The following CLIP1 variants were observed in gnomAD, a reference collection of about 807,000 sequenced individuals.
CLIP1 encodes the protein CAP-Gly domain containing linker protein 1, also known as CAP-Gly domain-containing linker protein 1.
In CLIP1, 66 loss-of-function variants were observed where a neutral mutation model predicts 161.6. The ratio of observed to expected loss-of-function variants is 0.41; its 90% CI spans 0.33 to 0.50. CLIP1 has a LOEUF of 0.50. Among genes scored for constraint, CLIP1 ranks in the 20% least tolerant of loss-of-function variants. The probability of loss-of-function intolerance (pLI) is 0.27; values close to 1 mark genes in which losing one functional copy is unlikely to be tolerated. For synonymous variants in CLIP1, 598 were observed against 626.2 expected, an observed-to-expected ratio of 0.96 and a Z score of 0.67; for missense variants, 1,376 against 1,702.0, an observed-to-expected ratio of 0.81 and a Z score of 3.37.
chr12:122,414,883 T>A (rs572004287), intron 1 of CLIP1, among the ~76,000 whole-genome samples: 9 of 152,114 alleles, frequency 5.9e-5, no homozygotes, highest in Non-Finnish European at 1.3e-4. Flanking sequence ...AAACACATTA[T>A]GTATATTAAA....
At chr12:122,401,509 T>C (rs375090667) in intron 1 of CLIP1, among the ~76,000 whole-genome samples, 3 of 150,502 alleles carry the variant, frequency 2.0e-5, no homozygotes, top group Non-Finnish European at 3.0e-5. Flanking sequence ...CTACTAAAAA[T>C]ACAAAATCAG....
chr12:122,385,890 G>C (rs1373680202), intron 1 of CLIP1, among the ~76,000 whole-genome samples: 2 of 152,206 alleles, frequency 1.3e-5, no homozygotes, highest in East Asian at 3.8e-4. Context: ...AACAAGGAGG[G>C]AAAGAGAATG....
At chr12:122,280,093 T>G (rs75390342) in intron 21 of CLIP1, 2 of 152,210 alleles carry the variant, frequency 1.3e-5, no homozygotes, top group Non-Finnish European at 2.9e-5. Context: ...TTTTTTTTTT[T>G]GACAGAGTCT....
chr12:122,378,042 A>G lies in CLIP1; in HGVS notation c.86-82T>C. On this transcript the variant is annotated intron_variant, in intron 2 of 25. Transcript: ENST00000620786. ...CTTAAAGAAAAACTAGAGAAAGCCA[A>G]CAGCCCACAGGAGTAGCCCAGAACT... 2.4e-6 allele frequency: 3 copies of G among 1,229,676 alleles called. No homozygotes were observed. The South Asian group carries it at 4.4e-5, about 18-fold the overall frequency. The allele number at this position is 1,229,676 out of a possible 1,614,324, so 76.2% of individuals were successfully genotyped here.
At chr12:122,414,314 G>C (rs1956649331) in intron 1 of CLIP1, among the ~76,000 whole-genome samples, 1 of 150,958 alleles carries the variant, frequency 6.6e-6, no homozygotes, top group South Asian at 2.1e-4. Context: ...TATTCAGCTA[G>C]TTTTTTTAAG....
intron 8 of CLIP1, among the ~76,000 whole-genome samples, chr12:122,351,397 G>A (rs1273683969): frequency 6.6e-6 from 1 of 152,178 alleles, no homozygotes; most frequent in East Asian, 1.9e-4. Context: ...TTAAATGGAT[G>A]AGAACAACAC....
At chr12:122,292,997 T>C (rs1267794312) in intron 20 of CLIP1, among the ~76,000 whole-genome samples, 26 of 94,746 alleles carry the variant, frequency 2.7e-4, no homozygotes, top group African/African-American at 1.4e-3. Flanking sequence ...AGCAAGACTC[T>C]GTCTCAAAAA....
chr12:122,367,282 T>C (rs1284166267), intron 3 of CLIP1, among the ~76,000 whole-genome samples: 2 of 152,054 alleles, frequency 1.3e-5, no homozygotes, highest in Non-Finnish European at 2.9e-5. Context: ...GAAAAAAAAA[T>C]TATGTCACAA....
chr12:122,384,919 C>A (rs1593214862), intron 1 of CLIP1, among the ~76,000 whole-genome samples: 1 of 147,092 alleles, frequency 6.8e-6, no homozygotes. Flanking sequence ...GGAAGGGAAA[C>A]AAGTGAGTTG....
intron 12 of CLIP1, among the ~76,000 whole-genome samples, chr12:122,335,841 A>G (rs969725354): frequency 5.3e-5 from 8 of 151,916 alleles, no homozygotes; most frequent in Non-Finnish European, 8.8e-5. Context: ...GTTAATTCAC[A>G]CTGTTAATAG....
intron 21 of CLIP1, among the ~76,000 whole-genome samples, chr12:122,287,977 T>C (rs1474052247): frequency 1.3e-5 from 2 of 152,170 alleles, no homozygotes; most frequent in Admixed American, 6.5e-5. Context: ...CAACTGAACA[T>C]GGCTTATGAA....
At chr12:122,354,263 C>G (rs188208296) in intron 7 of CLIP1, among the ~76,000 whole-genome samples, 190 bp downstream of exon 7, 1 of 152,012 alleles carries the variant, frequency 6.6e-6, no homozygotes, top group Non-Finnish European at 1.5e-5. Context: ...GGCGTGGTGG[C>G]ACATTCCTGT....
intron 15 of CLIP1, among the ~76,000 whole-genome samples, chr12:122,332,716 C>T (rs886471685): frequency 7.2e-5 from 11 of 152,126 alleles, no homozygotes; most frequent in Non-Finnish European, 1.6e-4. Flanking sequence ...CCACCGCACC[C>T]GGCCTTATTA....
intron 1 of CLIP1, among the ~76,000 whole-genome samples, chr12:122,404,851 G>C (rs1441355330): frequency 6.8e-6 from 1 of 148,052 alleles, no homozygotes; most frequent in Non-Finnish European, 1.5e-5. Context: ...AGTGAGCCAA[G>C]ATCGCGCCAC....
chr12:122,292,136 C>G (rs1426747343), intron 20 of CLIP1, among the ~76,000 whole-genome samples: 1 of 151,780 alleles, frequency 6.6e-6, no homozygotes, highest in Non-Finnish European at 1.5e-5. Context: ...GGATTACAGG[C>G]ATGTGTCACC....
At chr12:122,392,429 T>A (rs752042745) in intron 1 of CLIP1, among the ~76,000 whole-genome samples, 9 of 152,150 alleles carry the variant, frequency 5.9e-5, no homozygotes, top group Admixed American at 6.6e-5. Context: ...ATTCAAAATA[T>A]CCACATAAGG....
At chr12:122,377,259 C>T (rs917005609) in intron 3 of CLIP1, 130 bp downstream of exon 3, 14 of 781,890 alleles carry the variant, frequency 1.8e-5, no homozygotes, top group Admixed American at 7.8e-5. Flanking sequence ...CCACCCGCCT[C>T]AGCCTCCCAA....
rs1473308118 is a variant in CLIP1 at position 122,323,142 on chromosome 12, C to T, written c.3250-3794G>A. The T allele has an allele frequency of 6.6e-6, 1 of 152,526 alleles. No homozygotes were observed. The highest frequency in any genetic ancestry group is 1.5e-5 in the Non-Finnish European group (1 of 68,026). 9.4% of individuals were successfully genotyped at this position (152,526 alleles called of 1,614,324 possible). On this transcript the variant is annotated intron_variant, in intron 17 of 25. Transcript: ENST00000620786. The surrounding 1 kb of genome is among the most constrained non-coding windows in gnomAD (Gnocchi z 4.1). ...TTCTCTCTCTCTGCAAGTAAAGCTC[C>T]ATTTTGCGTTTCCAGTGAGGATTTT...
At chr12:122,373,671 A>G (rs1176396787) in intron 3 of CLIP1, among the ~76,000 whole-genome samples, 1 of 152,162 alleles carries the variant, frequency 6.6e-6, no homozygotes, top group Non-Finnish European at 1.5e-5. Flanking sequence ...CTAGGGGAAA[A>G]ATGGGTGCAA....
Sources: gnomAD v4.1 joint callset for allele counts (sites outside exome capture counted in the v4.1 genomes callset) on GRCh38, gnomAD v4.1.1 for gene constraint, Gnocchi (gnomAD v3.1) non-coding constraint, MANE v1.5 for transcripts, NCBI Gene and HGNC (gene_info 2026-07-23, HGNC 2026-07-21) for gene names.